The following ARID2 variants were observed in gnomAD, a reference collection of about 807,000 sequenced individuals.
ARID2 encodes AT-rich interaction domain 2.
A neutral mutation model predicts 184.6 loss-of-function variants in ARID2; 32 were observed. The observed-to-expected ratio is 0.17, with a 90% CI of 0.13 to 0.23. The LOEUF (loss-of-function observed/expected upper bound fraction) is 0.23. ARID2 is among the 10% of genes least tolerant of loss of function. The pLI, the probability that ARID2 is intolerant of heterozygous loss-of-function variation, is 1.00. For synonymous variants in ARID2, 836 were observed against 772.6 expected, an observed-to-expected ratio of 1.08 and a Z score of -1.36; for missense variants, 1,696 against 2,197.6, an observed-to-expected ratio of 0.77 and a Z score of 4.56.
chr12:45,876,277 G>A (rs549484820), intron 16 of ARID2, among the ~76,000 whole-genome samples: 5 of 152,338 alleles, frequency 3.3e-5, no homozygotes, highest in Admixed American at 3.3e-4. Context: ...TTGGCTGGGT[G>A]CAGTGGCTCA....
intron 16 of ARID2, among the ~76,000 whole-genome samples, chr12:45,888,210 G>T (rs1348475966): frequency 1.4e-5 from 2 of 145,002 alleles, no homozygotes; most frequent in African/African-American, 2.7e-5. Flanking sequence ...AAAAAAAAAA[G>T]CTCTAATGAA....
chr12:45,903,331 G>A (rs1249139439), intron 20 of ARID2, among the ~76,000 whole-genome samples: 3 of 151,976 alleles, frequency 2.0e-5, no homozygotes, highest in South Asian at 2.1e-4. Context: ...GGCCATATAC[G>A]GAACATATTT....
At chr12:45,830,442 A>G (rs1307557635) in intron 6 of ARID2, among the ~76,000 whole-genome samples, 1 of 152,050 alleles carries the variant, frequency 6.6e-6, no homozygotes, top group Non-Finnish European at 1.5e-5. Flanking sequence ...ATTATTTTTA[A>G]CCCAAAACTA....
chr12:45,871,912 T>C (rs760812450), intron 16 of ARID2, among the ~76,000 whole-genome samples: 17 of 152,196 alleles, frequency 1.1e-4, no homozygotes, highest in Admixed American at 3.3e-4. Flanking sequence ...ATATTTCTGT[T>C]TCTTTATTAG....
intron 16 of ARID2, among the ~76,000 whole-genome samples, chr12:45,877,001 A>T (rs1450811617): frequency 6.6e-6 from 1 of 150,870 alleles, no homozygotes; most frequent in Non-Finnish European, 1.5e-5. Flanking sequence ...GTGAGGCAGG[A>T]GAATAGCGTG....
intron 13 of ARID2, 59 bp from the exon 14 acceptor site, chr12:45,849,518 CATA>C (rs752112231): frequency 7.4e-7 from 1 of 1,350,304 alleles, no homozygotes; most frequent in Non-Finnish European, 1.0e-6. Context: ...TTCATGTAAA[CATA>C]ATGTTAGAAG....
intron 16 of ARID2, among the ~76,000 whole-genome samples, chr12:45,889,187 A>G (rs1944249187): frequency 6.6e-6 from 1 of 150,380 alleles, no homozygotes; most frequent in South Asian, 2.1e-4. Context: ...GTCTCAAATA[A>G]TAATAATAAT....
chr12:45,759,416 CT>C (rs1941633120), intron 3 of ARID2, among the ~76,000 whole-genome samples: 1 of 152,054 alleles, frequency 6.6e-6, no homozygotes, highest in Non-Finnish European at 1.5e-5. Context: ...AAAATGAGCA[CT>C]TTTGATTACA....
intron 20 of ARID2, among the ~76,000 whole-genome samples, chr12:45,901,912 A>G (rs1227724135): frequency 6.6e-6 from 1 of 151,460 alleles, no homozygotes; most frequent in Non-Finnish European, 1.5e-5. Context: ...TCCTCAACTC[A>G]AGTGATCCAC....
chr12:45,839,155 C>T (rs1409495689), intron 10 of ARID2, among the ~76,000 whole-genome samples, 174 bp from the exon 11 acceptor site: 3 of 151,874 alleles, frequency 2.0e-5, no homozygotes, highest in African/African-American at 7.3e-5. Flanking sequence ...TGAGCCGCCA[C>T]GCCCAGCCTA....
Position 45,794,168 on chromosome 12 carries a change from C to A in ARID2, c.285-17250C>A, listed in dbSNP as rs553337024. ...CGTTTCTGTTCATCTTCCACCCATA[C>A]ACTTAATGCCTTTTCTCTCTTAACT... is the stretch of plus-strand genomic sequence containing the variant. On this transcript the variant is annotated intron_variant, in intron 3 of 20. Transcript: ENST00000334344. Among the ~76,000 whole-genome samples the A allele has an allele frequency of 2.0e-5, 3 of 152,208 alleles. No homozygotes were observed. In the South Asian group the frequency reaches 6.2e-4, roughly 31 times the overall value.
Position 45,906,391 on chromosome 12 carries a change from A to G in ARID2, c.*1313A>G, listed in dbSNP as rs1433814172. Reference sequence around the variant, plus strand: ...ACTGCCTATTGCCTGTTCTATTAGCATCCAAAAATGTGGAAGGCCTCCCAA... The same window carrying G: ...ACTGCCTATTGCCTGTTCTATTAGCGTCCAAAAATGTGGAAGGCCTCCCAA... On this transcript the variant is annotated 3_prime_UTR_variant, in exon 21 of 21. Coordinates refer to ENST00000334344, the MANE Select transcript of ARID2 (RefSeq NM_152641.4). The G allele has an allele frequency of 8.6e-6, 2 of 233,090 alleles. No homozygotes were observed. Among genetic ancestry groups the G allele is most frequent in the Non-Finnish European group, 1.7e-5 (2 of 117,804 alleles). The allele number at this position is 233,090 out of a possible 1,614,324, so 14.4% of individuals were successfully genotyped here. A position where few individuals can be genotyped will look rare whatever the true frequency, so the allele number is the denominator to read the frequency against.
chr12:45,797,431 G>A (rs543891294), intron 3 of ARID2, among the ~76,000 whole-genome samples: 4 of 151,920 alleles, frequency 2.6e-5, no homozygotes, highest in Non-Finnish European at 4.4e-5. Flanking sequence ...GATGGGTTTC[G>A]CCATGTTGGC....
At chr12:45,831,580 ACT>A (rs1943123606) in intron 6 of ARID2, among the ~76,000 whole-genome samples, 1 of 152,038 alleles carries the variant, frequency 6.6e-6, no homozygotes, top group Non-Finnish European at 1.5e-5. Flanking sequence ...TATTGTAGTC[ACT>A]CTGTTTTGCT....
chr12:45,832,274 A>G (rs930883558), intron 6 of ARID2, among the ~76,000 whole-genome samples: 1 of 152,148 alleles, frequency 6.6e-6, no homozygotes, highest in African/African-American at 2.4e-5. Context: ...GCTCTTGTAT[A>G]TGTATTGTAG....
At chr12:45,829,264 G>T (rs1215180646) in intron 6 of ARID2, among the ~76,000 whole-genome samples, 1 of 152,006 alleles carries the variant, frequency 6.6e-6, no homozygotes, top group Non-Finnish European at 1.5e-5. Context: ...GGGCTTGAAA[G>T]TACCAGATTT....
intron 20 of ARID2, among the ~76,000 whole-genome samples, chr12:45,897,518 T>C (rs1944385403): frequency 1.3e-5 from 2 of 152,174 alleles, no homozygotes; most frequent in African/African-American, 2.4e-5. Flanking sequence ...TCAGAATATA[T>C]AGAGAATGCC....
chr12:45,816,987 C>T (rs1351648099), intron 4 of ARID2, among the ~76,000 whole-genome samples: 2 of 152,132 alleles, frequency 1.3e-5, no homozygotes, highest in South Asian at 2.1e-4. Flanking sequence ...AATTGTAGAA[C>T]TAAAATTAGC....
intron 20 of ARID2, among the ~76,000 whole-genome samples, chr12:45,899,581 G>C (rs546175005): frequency 6.7e-6 from 1 of 149,062 alleles, no homozygotes; most frequent in Non-Finnish European, 1.5e-5. Flanking sequence ...ACTCCAGCCT[G>C]GGCGACAGAG....
Sources: gnomAD v4.1 joint callset for allele counts (sites outside exome capture counted in the v4.1 genomes callset) on GRCh38, gnomAD v4.1.1 for gene constraint, MANE v1.5 for transcripts, NCBI Gene and HGNC (gene_info 2026-07-23, HGNC 2026-07-21) for gene names.